The following DYM variants were observed in gnomAD, a reference collection of about 807,000 sequenced individuals.
DYM encodes the protein dymeclin.
Under a neutral mutation model 93.1 loss-of-function variants are expected in DYM, and 78 were observed. That is an observed-to-expected ratio of 0.84 (90% CI 0.70 to 1.01). The LOEUF is 1.01. DYM is among the 50% of genes least tolerant of loss of function. DYM has a pLI of 0.00. For synonymous variants in DYM, 321 were observed against 319.7 expected (o/e 1.00, Z -0.04); for missense variants, 789 against 845.0 (o/e 0.93, Z 0.82).
intron 2 of DYM, among the ~76,000 whole-genome samples, chr18:49,427,319 A>T (rs775027868): frequency 1.9e-4 from 29 of 152,204 alleles, no homozygotes; most frequent in Non-Finnish European, 4.0e-4. Flanking sequence ...AGAAAAACTG[A>T]CACAATTTGT....
At chr18:49,405,412 A>T (rs2071359931) in intron 2 of DYM, among the ~76,000 whole-genome samples, 1 of 152,196 alleles carries the variant, frequency 6.6e-6, no homozygotes, top group Non-Finnish European at 1.5e-5. Context: ...ATCTTCAGTT[A>T]AACTTTTTAT....
intron 9 of DYM, among the ~76,000 whole-genome samples, chr18:49,283,299 T>C (rs1291848394): frequency 6.6e-6 from 1 of 152,166 alleles, no homozygotes; most frequent in African/African-American, 2.4e-5. Flanking sequence ...TATTCAACAT[T>C]AGGTTCTATA....
At chr18:49,323,805 T>C (rs1292422187) in intron 8 of DYM, among the ~76,000 whole-genome samples, 1 of 152,166 alleles carries the variant, frequency 6.6e-6, no homozygotes, top group Non-Finnish European at 1.5e-5. Context: ...TCCTGTCCCA[T>C]AACATAACAA....
At chr18:49,347,313 T>C (rs1158807274) in intron 6 of DYM, among the ~76,000 whole-genome samples, 1 of 152,160 alleles carries the variant, frequency 6.6e-6, no homozygotes, top group Non-Finnish European at 1.5e-5. Flanking sequence ...CATACTTTTA[T>C]GTGTTGGATT....
intron 14 of DYM, among the ~76,000 whole-genome samples, chr18:49,185,763 G>A (rs1027778154): frequency 2.6e-5 from 4 of 152,176 alleles, no homozygotes; most frequent in Non-Finnish European, 5.9e-5. Context: ...AGAGGGGCAG[G>A]TTTCCCTGTT....
chr18:49,221,784 A>G (rs1772079377), intron 13 of DYM, among the ~76,000 whole-genome samples: 3 of 152,128 alleles, frequency 2.0e-5, no homozygotes, highest in Non-Finnish European at 2.9e-5. Flanking sequence ...GAGGGATAGC[A>G]TTAGGAGATA....
intron 1 of DYM, among the ~76,000 whole-genome samples, chr18:49,440,473 CTATA>C (rs920420895): frequency 1.1e-5 from 1 of 93,200 alleles, no homozygotes; most frequent in Non-Finnish European, 2.0e-5. Context: ...TAATATATGA[CTATA>C]TATTATATAT....
chr18:49,434,452 G>A (rs148782950), intron 1 of DYM, among the ~76,000 whole-genome samples: 1,768 of 152,036 alleles, frequency 0.012, 30 homozygotes, highest in African/African-American at 0.04. Context: ...CCTGGGAGGC[G>A]GAGGTTGCAG....
At chr18:49,251,096 T>C (rs2144962254) in intron 13 of DYM, among the ~76,000 whole-genome samples, 1 of 152,308 alleles carries the variant, frequency 6.6e-6, no homozygotes, top group East Asian at 1.9e-4. Context: ...TCTCCACGTA[T>C]TGTCAAATGT....
At chr18:49,315,272 G>A (rs1167632738) in intron 8 of DYM, among the ~76,000 whole-genome samples, 2 of 151,634 alleles carry the variant, frequency 1.3e-5, no homozygotes, top group Admixed American at 1.3e-4. Flanking sequence ...TAACATACAT[G>A]TTAGGTTCCA....
At chr18:49,118,170 C>T (rs867733748) in intron 16 of DYM, among the ~76,000 whole-genome samples, 1 of 151,750 alleles carries the variant, frequency 6.6e-6, no homozygotes, top group African/African-American at 2.4e-5. Flanking sequence ...CCACCACACC[C>T]GGCCCACAGG....
At chr18:49,349,905 C>G (rs1374186590) in intron 6 of DYM, among the ~76,000 whole-genome samples, 2 of 152,070 alleles carry the variant, frequency 1.3e-5, no homozygotes, top group African/African-American at 4.8e-5. Flanking sequence ...TGCAGTGAGC[C>G]GTGATCGCAC....
chr18:49,447,915 C>G (rs542446885), intron 1 of DYM, among the ~76,000 whole-genome samples: 3 of 152,304 alleles, frequency 2.0e-5, no homozygotes, highest in East Asian at 3.9e-4. Flanking sequence ...GTGAGAATCT[C>G]TCTTTCTCTG....
chr18:49,140,935 G>T (rs1259806826), intron 15 of DYM, among the ~76,000 whole-genome samples: 1 of 152,118 alleles, frequency 6.6e-6, no homozygotes, highest in Non-Finnish European at 1.5e-5. Context: ...CAATGTATGT[G>T]TTTTAATCCT....
intron 8 of DYM, among the ~76,000 whole-genome samples, chr18:49,313,557 A>G (rs2061742969): frequency 6.6e-6 from 1 of 151,552 alleles, no homozygotes; most frequent in South Asian, 2.1e-4. Flanking sequence ...TGGTCTAAAA[A>G]GAGGCATGAA....
chr18:49,321,901 C>G (rs2062509750), intron 8 of DYM, among the ~76,000 whole-genome samples: 1 of 151,968 alleles, frequency 6.6e-6, no homozygotes, highest in African/African-American at 2.4e-5. Context: ...CTGTTATTTT[C>G]ACAACTATGC....
rs3764483 is a variant in DYM, at chr18:49,063,254, A to G, written c.2026-19050T>C. ...AGGGAGAAACCACATGAGAAGGATGAGTGAAACCGCAAGATTAGGAATTAA... is the reference window on the plus strand; with the variant it reads ...AGGGAGAAACCACATGAGAAGGATGGGTGAAACCGCAAGATTAGGAATTAA... On this transcript the variant is annotated intron_variant, in intron 17 of 17. Coordinates refer to ENST00000675505, the MANE Select transcript of DYM (RefSeq NM_001353214.3). Among the ~76,000 whole-genome samples the G allele has an allele frequency of 0.012, 1,762 of 152,104 alleles. 79 individuals carry two copies. In the East Asian group the frequency reaches 0.12, roughly 11 times the overall value.
intron 6 of DYM, among the ~76,000 whole-genome samples, chr18:49,345,165 C>T (rs2064474561): frequency 6.6e-6 from 1 of 152,096 alleles, no homozygotes; most frequent in African/African-American, 2.4e-5. Context: ...CTACCCTTTG[C>T]ATGTGCTTCA....
chr18:49,219,135 C>A (rs1039709646), intron 13 of DYM, among the ~76,000 whole-genome samples: 4 of 152,154 alleles, frequency 2.6e-5, no homozygotes, highest in African/African-American at 9.7e-5. Flanking sequence ...CACCTCTACG[C>A]AAATAAACTA....
Sources: allele counts gnomAD v4.1 joint callset (sites outside exome capture counted in the v4.1 genomes callset), GRCh38; gene constraint gnomAD v4.1.1; transcripts MANE v1.5; gene names NCBI Gene and HGNC (gene_info 2026-07-23, HGNC 2026-07-21).